MYCBP2: variants seen among roughly 807,000 people sequenced by gnomAD.
MYCBP2 encodes MYC binding protein 2.
Under a neutral mutation model 525.3 loss-of-function variants are expected in MYCBP2, and 120 were observed. That is an observed-to-expected ratio of 0.23 (90% CI 0.20 to 0.27). The LOEUF (loss-of-function observed/expected upper bound fraction) is 0.27. Among genes scored for constraint, MYCBP2 ranks in the 10% least tolerant of loss-of-function variants. The probability of loss-of-function intolerance (pLI) is 1.00; values close to 1 mark genes in which losing one functional copy is unlikely to be tolerated. For synonymous variants in MYCBP2, 1,894 were observed against 1,955.8 expected, an observed-to-expected ratio of 0.97 and a Z score of 0.83; for missense variants, 4,149 against 5,657.1, an observed-to-expected ratio of 0.73 and a Z score of 8.55.
At chr13:77,195,288 A>C (rs1157269025) in intron 26 of MYCBP2, among the ~76,000 whole-genome samples, 1 of 152,128 alleles carries the variant, frequency 6.6e-6, no homozygotes, top group Non-Finnish European at 1.5e-5. Context: ...TCATTCACCT[A>C]ATCTCTTAGA....
rs1268368868 is a variant in MYCBP2 at position 77,181,742 on chromosome 13, G to A, written c.4900C>T (p.Arg1634Cys). 8.7e-6 allele frequency: 14 copies of A among 1,614,026 alleles called. No individual in the cohort carries two copies. Among genetic ancestry groups the A allele is most frequent in the South Asian group, 1.1e-5 (1 of 91,072 alleles). Residue 1634 changes from arginine (R) to cysteine (C), a missense_variant, in exon 33 of 83, where the codon CGT becomes TGT. Physicochemically the swap from Arg to Cys is radical, Grantham distance 180 (BLOSUM62 -3). Transcript: ENST00000544440. ...ATATGTGCCACCAAAAGGGGAAAAC[G>A]ATGAACTAGTGTTGAGTCGTTCTCT... ...STENDSTLVH[R>C]FPLLVAHMEK...
intron 1 of MYCBP2, among the ~76,000 whole-genome samples, chr13:77,301,152 C>T (rs1207486958): frequency 6.6e-6 from 1 of 151,788 alleles, no homozygotes; most frequent in African/African-American, 2.4e-5. Context: ...CGGTGGCTCA[C>T]ACCTGTAATA....
chr13:77,251,144 C>T lies in MYCBP2; in HGVS notation c.2381+7G>A. 6.2e-7 allele frequency: 1 copy of T among 1,613,160 alleles called. No homozygotes were observed. Among genetic ancestry groups the T allele is most frequent in the Non-Finnish European group, 8.5e-7 (1 of 1,179,836 alleles). ...CATGTTCTTTAGTAGGAATCATTGT[C>T]TCTTACCCTCCGGGGACTCTGTCTG... On this transcript the variant is annotated splice_region_variant and intron_variant, in intron 15 of 82. Transcript: ENST00000544440.
At position 77,205,300 on chromosome 13, in the gene MYCBP2, G is replaced by T; in HGVS notation, c.3799C>A (p.Leu1267Ile). Residue 1267 changes from leucine to isoleucine, a missense_variant, in exon 26 of 83, where the codon CTT (leucine) becomes ATT (isoleucine). Leu to Ile is a conservative substitution (Grantham distance 5). Transcript: ENST00000544440. ...SADTDILLGG[L>I]GLFGGRGEYT... ...TCTCCTCTACCTCCAAACAGACCAA[G>T]ACCACCAAGTAAAATATCAGTGTCG... 1 of 1,613,554 alleles carries T rather than the reference G, an allele frequency of 6.2e-7. No individual in the cohort carries two copies. The highest frequency in any genetic ancestry group is 1.1e-5 in the South Asian group (1 of 90,990).
At chr13:77,205,424 T>C (rs760240945) in intron 25 of MYCBP2, 41 bp from the exon 26 acceptor site, 9 of 1,612,200 alleles carry the variant, frequency 5.6e-6, no homozygotes, top group African/African-American at 2.7e-5. Context: ...AAAAGATCCA[T>C]ATATATTTCA....
intron 3 of MYCBP2, among the ~76,000 whole-genome samples, chr13:77,279,401 G>C (rs1329557459): frequency 2.6e-5 from 4 of 152,192 alleles, no homozygotes; most frequent in Non-Finnish European, 5.9e-5. Flanking sequence ...CTCATCAGGT[G>C]CAAGAAAAAT....
chr13:77,236,841 T>G (rs1040028781), intron 17 of MYCBP2, among the ~76,000 whole-genome samples: 6 of 152,004 alleles, frequency 3.9e-5, no homozygotes, highest in Non-Finnish European at 5.9e-5. Flanking sequence ...GAGGCCAGCC[T>G]GGGCAACATA....
chr13:77,212,691 T>C (rs184597021), intron 21 of MYCBP2, among the ~76,000 whole-genome samples: 136 of 152,346 alleles, frequency 8.9e-4, no homozygotes, highest in Admixed American at 2.0e-3. Context: ...ATTATTTCAT[T>C]TATGTTTTAA....
At chr13:77,206,959 T>C in intron 23 of MYCBP2, 134 bp from the exon 24 acceptor site, 1 of 683,728 alleles carries the variant, frequency 1.5e-6, no homozygotes, top group Non-Finnish European at 2.2e-6. Context: ...GCTCATTATC[T>C]TCTGGATCTA....
intron 26 of MYCBP2, among the ~76,000 whole-genome samples, chr13:77,198,258 C>CTA (rs1368815585): frequency 1.3e-5 from 2 of 152,276 alleles, no homozygotes; most frequent in African/African-American, 4.8e-5. Context: ...CTCCATATAA[C>CTA]TATAGGAGCT....
intron 28 of MYCBP2, among the ~76,000 whole-genome samples, chr13:77,190,655 CATG>C (rs1032406026): frequency 3.3e-5 from 5 of 152,234 alleles, no homozygotes; most frequent in African/African-American, 1.2e-4. Flanking sequence ...TGACTAGCTG[CATG>C]ATAAGCTTTA....
In MYCBP2 at chr13:77,243,072, T is replaced by C. The variant is rs1307401254; in HGVS notation, c.2616A>G (p.Leu872=). The C allele has an allele frequency of 1.2e-6, 2 of 1,614,088 alleles. No individual in the cohort carries two copies. The highest frequency in any genetic ancestry group is 1.7e-6 in the Non-Finnish European group (2 of 1,179,974). ...GCTACATCTTACCTCTTCCTTCCTC[T>C]AATCTGTGCCTTCTGATTACACGTT... ...KRQRVIRRHR[L]EEGRGPLVFA... is the part of the protein sequence containing the mutation. Residue 872 remains leucine (L), a synonymous_variant, in exon 17 of 83, where the codon TTA becomes TTG. Transcript: ENST00000544440.
At chr13:77,107,655 TAGAGCCTGGG>T (rs1450190522) in intron 55 of MYCBP2, among the ~76,000 whole-genome samples, 1 of 152,040 alleles carries the variant, frequency 6.6e-6, no homozygotes, top group Non-Finnish European at 1.5e-5. Context: ...GGAGGATCAC[TAGAGCCTGGG>T]AGAGGGAGGT....
intron 61 of MYCBP2, 173 bp from the exon 62 acceptor site, chr13:77,087,806 T>G: frequency 1.8e-6 from 1 of 567,868 alleles, no homozygotes. Flanking sequence ...TAAGAGACAG[T>G]GTCTCGCTCT....
At chr13:77,265,159 T>C (rs993140997) in intron 8 of MYCBP2, among the ~76,000 whole-genome samples, 52 of 151,900 alleles carry the variant, frequency 3.4e-4, no homozygotes, top group African/African-American at 1.2e-3. Context: ...AAACTGGAAA[T>C]AGAAACTGGG....
chr13:77,321,350 A>G (rs1325630325), intron 1 of MYCBP2, among the ~76,000 whole-genome samples: 15 of 152,242 alleles, frequency 9.9e-5, no homozygotes, highest in Admixed American at 9.8e-4. Flanking sequence ...GTGTTTATAC[A>G]CTATACAGGA....
intron 1 of MYCBP2, among the ~76,000 whole-genome samples, chr13:77,322,627 TTTTGATAAC>T (rs2081809899): frequency 6.6e-6 from 1 of 152,262 alleles, no homozygotes; most frequent in Non-Finnish European, 1.5e-5. Context: ...CATAATGTCC[TTTTGATAAC>T]ACTACAAAGT....
At chr13:77,279,689 T>C (rs551234469) in intron 3 of MYCBP2, among the ~76,000 whole-genome samples, 35 of 152,350 alleles carry the variant, frequency 2.3e-4, no homozygotes, top group African/African-American at 6.7e-4. Context: ...TCTCTGCTGA[T>C]ATTTTTGCAT....
chr13:77,203,598 A>C (rs563031868), intron 26 of MYCBP2, among the ~76,000 whole-genome samples: 48 of 152,350 alleles, frequency 3.2e-4, no homozygotes, highest in African/African-American at 1.1e-3. Flanking sequence ...GTCAATCCTA[A>C]GCCAAAAGAA....
Sources: gnomAD v4.1 joint callset for allele counts (sites outside exome capture counted in the v4.1 genomes callset) on GRCh38, gnomAD v4.1.1 for gene constraint, MANE v1.5 for transcripts, NCBI Gene and HGNC (gene_info 2026-07-23, HGNC 2026-07-21) for gene names.